The following SIPA1L1 variants were observed in gnomAD, a reference collection of about 807,000 sequenced individuals.
The protein encoded by SIPA1L1 is signal induced proliferation associated 1 like 1.
SIPA1L1 carries 26 observed loss-of-function variants against 162.7 expected under a neutral mutation model. The ratio of observed to expected loss-of-function variants is 0.16; its 90% CI spans 0.12 to 0.22. SIPA1L1 has a LOEUF of 0.22. SIPA1L1 is among the 10% of genes least tolerant of loss of function. The probability of loss-of-function intolerance (pLI) is 1.00; values close to 1 mark genes in which losing one functional copy is unlikely to be tolerated. For synonymous variants in SIPA1L1, 829 were observed against 837.4 expected (o/e 0.99, Z 0.17); for missense variants, 1,874 against 2,241.0 (o/e 0.84, Z 3.31).
intron 17 of SIPA1L1, among the ~76,000 whole-genome samples, chr14:71,713,043 A>G (rs947459973): frequency 2.6e-5 from 4 of 152,214 alleles, no homozygotes; most frequent in Non-Finnish European, 5.9e-5. Context: ...TTGATACTCA[A>G]TACATGCCAA....
At chr14:71,578,387 C>G (rs1377526331) in intron 4 of SIPA1L1, among the ~76,000 whole-genome samples, 1 of 152,098 alleles carries the variant, frequency 6.6e-6, no homozygotes, top group African/African-American at 2.4e-5. Context: ...CTTTACCTCT[C>G]TATGCTCTTT....
In SIPA1L1 at chr14:71,587,686, GT is replaced by G; in HGVS notation, c.-184del. On this transcript the variant is annotated 5_prime_UTR_variant, in exon 5 of 24. Coordinates refer to ENST00000381232, the MANE Select transcript of SIPA1L1 (RefSeq NM_001386936.1). ...CAAAGAAACTGTTGTGGATTATAAC[GT>G]TTAGAAGTTCCAATTTTTCAGTGCT... The G allele has an allele frequency of 6.9e-6, 4 of 582,694 alleles. No individual in the cohort carries two copies. Among genetic ancestry groups the G allele is most frequent in the Middle Eastern group, 9.4e-4 (2 of 2,132 alleles). 36.1% of individuals were successfully genotyped at this position (582,694 alleles called of 1,614,324 possible). A position where few individuals can be genotyped will look rare whatever the true frequency, so the allele number is the denominator to read the frequency against.
intron 2 of SIPA1L1, among the ~76,000 whole-genome samples, chr14:71,338,601 T>C (rs2035330219): frequency 6.6e-6 from 1 of 152,196 alleles, no homozygotes; most frequent in South Asian, 2.1e-4. Context: ...ATACACAGAT[T>C]CTCAGCCTCC....
intron 10 of SIPA1L1, among the ~76,000 whole-genome samples, chr14:71,669,434 A>G (rs2149347739): frequency 6.6e-6 from 1 of 152,348 alleles, no homozygotes; most frequent in African/African-American, 2.4e-5. Flanking sequence ...AGGAATAACA[A>G]TTTGAGTGAA....
intron 6 of SIPA1L1, among the ~76,000 whole-genome samples, chr14:71,621,294 C>T (rs951201324): frequency 2.0e-5 from 3 of 152,222 alleles, no homozygotes; most frequent in African/African-American, 7.2e-5. Flanking sequence ...TCATCTCCCT[C>T]TGAGAAACAG....
At chr14:71,673,349 C>G (rs1184505182) in intron 12 of SIPA1L1, among the ~76,000 whole-genome samples, 1 of 152,162 alleles carries the variant, frequency 6.6e-6, no homozygotes, top group Non-Finnish European at 1.5e-5. Context: ...GCTATTTTTG[C>G]TAGTTTTTAA....
intron 4 of SIPA1L1, among the ~76,000 whole-genome samples, chr14:71,547,940 A>T (rs2146116228): frequency 6.6e-6 from 1 of 152,316 alleles, no homozygotes; most frequent in Admixed American, 6.5e-5. Flanking sequence ...ACTACTTGGG[A>T]GGCTGAGGCA....
At chr14:71,551,332 C>A (rs1395501653) in intron 4 of SIPA1L1, among the ~76,000 whole-genome samples, 1 of 152,180 alleles carries the variant, frequency 6.6e-6, no homozygotes, top group African/African-American at 2.4e-5. Context: ...GAAACCTCTT[C>A]TTCCCAGGCA....
intron 2 of SIPA1L1, chr14:71,321,793 T>C (rs1231914851): frequency 6.6e-6 from 1 of 152,156 alleles, no homozygotes; most frequent in East Asian, 1.9e-4. Flanking sequence ...TTAAAGGAAA[T>C]TTCCGAGGCT....
chr14:71,435,360 G>T (rs1449635488), intron 2 of SIPA1L1, among the ~76,000 whole-genome samples: 1 of 151,934 alleles, frequency 6.6e-6, no homozygotes, highest in East Asian at 1.9e-4. Context: ...GGTGTGTGAT[G>T]TTCCCCTTCC....
intron 2 of SIPA1L1, among the ~76,000 whole-genome samples, chr14:71,347,148 A>T (rs890447237): frequency 1.3e-5 from 2 of 150,874 alleles, no homozygotes; most frequent in African/African-American, 2.4e-5. Context: ...TTTAGTAGAG[A>T]TGGGGTATCA....
At chr14:71,598,779 T>C (rs2036354563) in intron 5 of SIPA1L1, among the ~76,000 whole-genome samples, 1 of 152,234 alleles carries the variant, frequency 6.6e-6, no homozygotes, top group Admixed American at 6.5e-5. Context: ...ATCCATCACC[T>C]TGAGTATCAT....
At chr14:71,716,808 G>A (rs540744995) in intron 17 of SIPA1L1, among the ~76,000 whole-genome samples, 1 of 152,310 alleles carries the variant, frequency 6.6e-6, no homozygotes, top group East Asian at 1.9e-4. Context: ...AAAATCACCA[G>A]GTTGCTGTAC....
Position 71,738,236 on chromosome 14 carries a change from C to A in SIPA1L1, c.5124-5C>A. On this transcript the variant is annotated splice_region_variant and splice_polypyrimidine_tract_variant and intron_variant, in intron 22 of 23. Coordinates refer to ENST00000381232, the MANE Select transcript of SIPA1L1 (RefSeq NM_001386936.1). ...CCAACATGGTCTTTTGTTTCTTGTT[C>A]CCAGCAGTAAAGACTCCTCTCCCAC... 6.3e-7 allele frequency: 1 copy of A among 1,597,444 alleles called. No homozygotes were observed. The highest frequency in any genetic ancestry group is 8.6e-7 in the Non-Finnish European group (1 of 1,167,190).
At chr14:71,480,368 C>A (rs1192611554) in intron 2 of SIPA1L1, among the ~76,000 whole-genome samples, 2 of 150,040 alleles carry the variant, frequency 1.3e-5, no homozygotes, top group African/African-American at 4.9e-5. Context: ...GGATTACAGG[C>A]GTGAGCCACC....
chr14:71,355,859 A>G (rs2037191660), intron 2 of SIPA1L1, among the ~76,000 whole-genome samples: 1 of 152,314 alleles, frequency 6.6e-6, no homozygotes, highest in South Asian at 2.1e-4. Context: ...AATGAAATGA[A>G]TATTTGCTAT....
At chr14:71,591,927 A>G (rs1243273175) in intron 5 of SIPA1L1, among the ~76,000 whole-genome samples, 2 of 152,176 alleles carry the variant, frequency 1.3e-5, no homozygotes. Flanking sequence ...CTTAGTTTTT[A>G]ATAGGAACAA....
chr14:71,506,409 C>T (rs187940335), intron 2 of SIPA1L1, among the ~76,000 whole-genome samples: 8 of 152,240 alleles, frequency 5.3e-5, no homozygotes, highest in East Asian at 3.9e-4. Flanking sequence ...GGCGTGATCT[C>T]GGCTCACTGT....
chr14:71,484,094 A>G (rs1012588876), intron 2 of SIPA1L1, among the ~76,000 whole-genome samples: 1 of 152,218 alleles, frequency 6.6e-6, no homozygotes, highest in Non-Finnish European at 1.5e-5. Flanking sequence ...GACACATATA[A>G]TAGACACTAT....
Sources: allele counts gnomAD v4.1 joint callset (sites outside exome capture counted in the v4.1 genomes callset), GRCh38; gene constraint gnomAD v4.1.1; transcripts MANE v1.5; gene names NCBI Gene and HGNC (gene_info 2026-07-23, HGNC 2026-07-21).